Variants in COL26A1 observed in about 807,000 individuals in gnomAD.
COL26A1 encodes the protein collagen alpha-1(XXVI) chain.
In COL26A1, 41 loss-of-function variants were observed where a neutral mutation model predicts 59.3. The ratio of observed to expected loss-of-function variants is 0.69; its 90% CI spans 0.54 to 0.90. The LOEUF (loss-of-function observed/expected upper bound fraction) is 0.90, where lower values mean the gene tolerates loss of function less well. COL26A1 is among the 40% of genes least tolerant of loss of function. The pLI is 0.00. For synonymous variants in COL26A1, 266 were observed against 256.0 expected (o/e 1.04, Z -0.37); for missense variants, 612 against 602.3 (o/e 1.02, Z -0.17).
intron 3 of COL26A1, among the ~76,000 whole-genome samples, chr7:101,481,695 C>T (rs902367461): frequency 1.3e-5 from 2 of 151,838 alleles, no homozygotes; most frequent in African/African-American, 4.8e-5. Flanking sequence ...AAGCAATCCT[C>T]CTGCCTCAGT....
At chr7:101,553,190 T>C in intron 10 of COL26A1, 136 bp from the exon 11 acceptor site, 1 of 719,516 alleles carries the variant, frequency 1.4e-6, no homozygotes, top group Admixed American at 2.4e-5. Flanking sequence ...AGGAGTCCCC[T>C]GGGCCCAGCA....
chr7:101,381,937 A>G (rs924930357), intron 1 of COL26A1, among the ~76,000 whole-genome samples: 6 of 152,194 alleles, frequency 3.9e-5, no homozygotes, highest in Non-Finnish European at 5.9e-5. Flanking sequence ...TTAGGCTCCA[A>G]AAAGAATTAA....
At chr7:101,453,855 C>G (rs1448517850) in intron 3 of COL26A1, among the ~76,000 whole-genome samples, 1 of 152,138 alleles carries the variant, frequency 6.6e-6, no homozygotes, top group Non-Finnish European at 1.5e-5. Context: ...CCATTAATTC[C>G]CTTTTGCGTC....
At chr7:101,496,076 G>A (rs1407063649) in intron 3 of COL26A1, among the ~76,000 whole-genome samples, 1 of 152,064 alleles carries the variant, frequency 6.6e-6, no homozygotes, top group East Asian at 1.9e-4. Flanking sequence ...GCGAGACCCT[G>A]TCTCAGGGAA....
chr7:101,404,602 A>G (rs1792085380), intron 1 of COL26A1, among the ~76,000 whole-genome samples: 1 of 152,220 alleles, frequency 6.6e-6, no homozygotes, highest in Non-Finnish European at 1.5e-5. Context: ...TGTTACCATT[A>G]AACTATAAAT....
chr7:101,366,858 T>C (rs745738365), intron 1 of COL26A1, among the ~76,000 whole-genome samples: 3 of 152,162 alleles, frequency 2.0e-5, no homozygotes, highest in Admixed American at 1.3e-4. Context: ...AGTCTGCTTA[T>C]TGGTTATTCT....
intron 1 of COL26A1, among the ~76,000 whole-genome samples, chr7:101,404,824 C>T (rs1343180606): frequency 6.6e-6 from 1 of 152,210 alleles, no homozygotes; most frequent in Non-Finnish European, 1.5e-5. Context: ...ATTGCTTGAG[C>T]TCAGGAAGCA....
In COL26A1 at chr7:101,557,454, C is replaced by G; in HGVS notation, c.1250C>G (p.Pro417Arg). ...NLKMKRGGAQ[P>R]DGVLAALLGP... is the part of the protein sequence containing the mutation. ...AAGATGAAGAGGGGTGGCGCCCAAC[C>G]CGATGGGGTCCTTGCTGCCCTGCTT... The change falls in exon 13 of 13, where the codon CCC (proline) becomes CGC (arginine). Residue 417 changes from proline (P) to arginine (R), a missense_variant. By Grantham distance (103) the Pro-to-Arg change is moderately radical. Coordinates refer to ENST00000313669, the MANE Select transcript of COL26A1 (RefSeq NM_001278563.3). 1.2e-6 allele frequency: 2 copies of G among 1,613,738 alleles called. No homozygotes were observed. The highest frequency in any genetic ancestry group is 1.7e-6 in the Non-Finnish European group (2 of 1,179,738).
chr7:101,509,944 T>G (rs1456988967), intron 3 of COL26A1, among the ~76,000 whole-genome samples: 1 of 151,664 alleles, frequency 6.6e-6, no homozygotes, highest in Non-Finnish European at 1.5e-5. Flanking sequence ...GCCAGGCTGG[T>G]CTCGAACTCC....
At chr7:101,478,686 G>A (rs746696226) in intron 3 of COL26A1, among the ~76,000 whole-genome samples, 3 of 152,126 alleles carry the variant, frequency 2.0e-5, no homozygotes, top group Non-Finnish European at 2.9e-5. Context: ...GGAATAAAAT[G>A]TTATGGGTAT....
intron 1 of COL26A1, among the ~76,000 whole-genome samples, chr7:101,403,076 T>G (rs1048453729): frequency 6.6e-6 from 1 of 151,978 alleles, no homozygotes; most frequent in Non-Finnish European, 1.5e-5. Context: ...ATTCCTGGCT[T>G]TAAGCAATCC....
chr7:101,384,841 A>G (rs1207404301), intron 1 of COL26A1, among the ~76,000 whole-genome samples: 2 of 152,066 alleles, frequency 1.3e-5, no homozygotes, highest in African/African-American at 2.4e-5. Context: ...TAGTTCCAAA[A>G]CCTCCAAAGT....
intron 1 of COL26A1, among the ~76,000 whole-genome samples, chr7:101,380,462 T>A (rs2117028079): frequency 6.6e-6 from 1 of 151,810 alleles, no homozygotes; most frequent in East Asian, 1.9e-4. Context: ...GCCTGGCTAA[T>A]TTTTTATATT....
At chr7:101,477,326 G>A (rs1476055614) in intron 3 of COL26A1, among the ~76,000 whole-genome samples, 1 of 152,146 alleles carries the variant, frequency 6.6e-6, no homozygotes, top group Admixed American at 6.6e-5. Flanking sequence ...ACATGGTCAT[G>A]TTTGTGCGTG....
At chr7:101,390,396 A>G (rs578187655) in intron 1 of COL26A1, among the ~76,000 whole-genome samples, 2 of 152,004 alleles carry the variant, frequency 1.3e-5, no homozygotes, top group East Asian at 3.9e-4. Context: ...TCAATGTGCT[A>G]GGATTACAGA....
intron 3 of COL26A1, among the ~76,000 whole-genome samples, chr7:101,486,154 C>T (rs898241727): frequency 4.7e-5 from 7 of 150,116 alleles, no homozygotes; most frequent in Admixed American, 4.7e-4. Flanking sequence ...GCCTGGGTGA[C>T]AGAGTGAGAC....
At chr7:101,543,613 G>A (rs1017314238) in intron 5 of COL26A1, among the ~76,000 whole-genome samples, 1 of 152,058 alleles carries the variant, frequency 6.6e-6, no homozygotes, top group Non-Finnish European at 1.5e-5. Context: ...ACCTGTTGGG[G>A]AGCACTTTGC....
chr7:101,396,823 G>A (rs974686622), intron 1 of COL26A1, among the ~76,000 whole-genome samples: 1 of 152,136 alleles, frequency 6.6e-6, no homozygotes, highest in African/African-American at 2.4e-5. Flanking sequence ...TGGGGACAAG[G>A]GTTTGATGTC....
chr7:101,445,528 G>C lies in COL26A1; in HGVS notation c.282-2156G>C, dbSNP rs569316746. On this transcript the variant is annotated intron_variant, in intron 2 of 12. Coordinates refer to ENST00000313669, the MANE Select transcript of COL26A1 (RefSeq NM_001278563.3). Reference sequence around the variant, plus strand: ...GGGCGGATCACGAGGTCAGGAGATCGAGACCATCCCGGCTAAAACGGTGAA... The same window carrying C: ...GGGCGGATCACGAGGTCAGGAGATCCAGACCATCCCGGCTAAAACGGTGAA... 2.0e-3 allele frequency among the ~76,000 whole-genome samples: 278 copies of C among 140,466 alleles called. 1 individual carries two copies. The highest frequency in any genetic ancestry group is 7.1e-3 in the African/African-American group (265 of 37,212). 92.2% of individuals were successfully genotyped at this position (140,466 alleles called of 152,430 possible).
Sources: allele counts gnomAD v4.1 joint callset (sites outside exome capture counted in the v4.1 genomes callset), GRCh38; gene constraint gnomAD v4.1.1; transcripts MANE v1.5; gene names NCBI Gene and HGNC (gene_info 2026-07-23, HGNC 2026-07-21).